ERC1: variants seen among roughly 807,000 people sequenced by gnomAD.
The protein encoded by ERC1 is ELKS/RAB6-interacting/CAST family member 1.
In ERC1, 56 loss-of-function variants were observed where a neutral mutation model predicts 132.0. The observed-to-expected ratio is 0.42, with a 90% CI of 0.34 to 0.53. The LOEUF is 0.53. ERC1 is among the 20% of genes least tolerant of loss of function. The pLI is 0.03. For synonymous variants in ERC1, 478 were observed against 476.1 expected, an observed-to-expected ratio of 1.00 and a Z score of -0.05; for missense variants, 1,202 against 1,349.9, an observed-to-expected ratio of 0.89 and a Z score of 1.72.
At chr12:1,184,224 A>G (rs990030178) in intron 11 of ERC1, among the ~76,000 whole-genome samples, 3 of 151,992 alleles carry the variant, frequency 2.0e-5, no homozygotes, top group Admixed American at 6.6e-5. Flanking sequence ...ACTCAGAATA[A>G]TTGTTAAATA....
At chr12:1,490,012 C>A in intron 18 of ERC1, 81 bp from the exon 19 acceptor site, 1 of 1,485,280 alleles carries the variant, frequency 6.7e-7, no homozygotes, top group South Asian at 1.3e-5. Context: ...GTGCCTTTGT[C>A]ATTTATTGAT....
intron 7 of ERC1, among the ~76,000 whole-genome samples, chr12:1,126,986 C>CAAAAAAAAAAAAAAAAAA (rs71055135): frequency 2.4e-4 from 27 of 114,184 alleles, no homozygotes; most frequent in Non-Finnish European, 3.1e-4. Context: ...GATTCTGTCT[C>CAAAAAAAAAAAAAAAAAA]AAAAAAAAAA....
intron 15 of ERC1, among the ~76,000 whole-genome samples, chr12:1,309,354 C>G (rs1271820068): frequency 1.3e-5 from 2 of 152,304 alleles, no homozygotes; most frequent in East Asian, 3.9e-4. Context: ...TGTGAGTTCC[C>G]TGGGGTGCTG....
At chr12:1,480,760 TGAAG>T in intron 18 of ERC1, 1 of 696,854 alleles carries the variant, frequency 1.4e-6, no homozygotes. Flanking sequence ...GGCAGGGGGT[TGAAG>T]AGAGCAAGAA....
Position 1,491,503 on chromosome 12 carries a change from TGCTGGAGTTGAAGCAGTAAATA to T in ERC1, c.*1276_*1297del. ...TGTAGTGGATTCTGTGAGACATACC[TGCTGGAGTTGAAGCAGTAAATA>T]GCATGTCCTTCCCCTCCCCGATCTT... is the stretch of plus-strand genomic sequence containing the variant. On this transcript the variant is annotated 3_prime_UTR_variant, in exon 19 of 19. Transcript: ENST00000360905. The T allele has an allele frequency of 4.3e-6, 1 of 230,554 alleles. No homozygotes were observed. The highest frequency in any genetic ancestry group is 1.8e-4 in the South Asian group (1 of 5,500). The allele number at this position is 230,554 out of a possible 1,614,324, so 14.3% of individuals were successfully genotyped here. A position where few individuals can be genotyped will look rare whatever the true frequency, so the allele number is the denominator to read the frequency against.
At chr12:1,359,314 GA>G (rs1344175532) in intron 15 of ERC1, among the ~76,000 whole-genome samples, 1 of 152,160 alleles carries the variant, frequency 6.6e-6, no homozygotes, top group Non-Finnish European at 1.5e-5. Flanking sequence ...ACACTCAACA[GA>G]AATAGAGACA....
chr12:1,060,666 G>A (rs1424993147), intron 2 of ERC1, among the ~76,000 whole-genome samples: 2 of 152,042 alleles, frequency 1.3e-5, no homozygotes, highest in Non-Finnish European at 2.9e-5. Context: ...AATAGCATGG[G>A]AAAGACTGGC....
At chr12:1,418,953 A>G (rs779649663) in intron 17 of ERC1, among the ~76,000 whole-genome samples, 5 of 151,912 alleles carry the variant, frequency 3.3e-5, no homozygotes, top group African/African-American at 7.3e-5. Flanking sequence ...GGTTCAAGCA[A>G]TCCTCCCACC....
intron 14 of ERC1, among the ~76,000 whole-genome samples, chr12:1,270,301 G>A (rs986639973): frequency 6.6e-5 from 10 of 151,962 alleles, no homozygotes; most frequent in Non-Finnish European, 1.2e-4. Context: ...TCCACCTCCC[G>A]GGTTCAAGCG....
intron 15 of ERC1, among the ~76,000 whole-genome samples, chr12:1,357,075 G>C (rs1040722611): frequency 1.3e-5 from 2 of 152,104 alleles, no homozygotes; most frequent in Non-Finnish European, 2.9e-5. Flanking sequence ...GCTTTCATAA[G>C]CTTCCTATAC....
chr12:1,012,816 A>AT (rs920480385), intron 1 of ERC1, among the ~76,000 whole-genome samples: 12 of 151,972 alleles, frequency 7.9e-5, no homozygotes, highest in African/African-American at 2.9e-4. Flanking sequence ...AGAATTCAGA[A>AT]TTTTTTTCAG....
chr12:1,328,327 A>G (rs2082606429), intron 15 of ERC1, among the ~76,000 whole-genome samples: 1 of 151,886 alleles, frequency 6.6e-6, no homozygotes, highest in Non-Finnish European at 1.5e-5. Flanking sequence ...TTTTTTTGTT[A>G]GAAGTGAAGC....
intron 17 of ERC1, among the ~76,000 whole-genome samples, chr12:1,419,683 T>C (rs1238454953): frequency 6.6e-6 from 1 of 151,954 alleles, no homozygotes; most frequent in Non-Finnish European, 1.5e-5. Flanking sequence ...TTAGTGGATA[T>C]AGAGTTTTAG....
intron 17 of ERC1, among the ~76,000 whole-genome samples, chr12:1,414,079 C>T (rs1349488673): frequency 2.0e-5 from 3 of 152,166 alleles, no homozygotes; most frequent in East Asian, 1.9e-4. Context: ...AATCTAATGC[C>T]GCCGCTGATC....
intron 15 of ERC1, among the ~76,000 whole-genome samples, chr12:1,369,599 A>G (rs1338371278): frequency 6.6e-6 from 1 of 152,206 alleles, no homozygotes; most frequent in East Asian, 1.9e-4. Flanking sequence ...GCTTCCCGAA[A>G]GGGAACAGAT....
intron 14 of ERC1, among the ~76,000 whole-genome samples, chr12:1,264,618 C>G (rs959063980): frequency 6.6e-6 from 1 of 151,812 alleles, no homozygotes; most frequent in Non-Finnish European, 1.5e-5. Flanking sequence ...GAGCCGAGAT[C>G]GCACCACTGC....
At chr12:1,407,412 C>G (rs2091569351) in intron 16 of ERC1, among the ~76,000 whole-genome samples, 1 of 151,912 alleles carries the variant, frequency 6.6e-6, no homozygotes. Context: ...TAAAATTAAG[C>G]ATGGTGGCGT....
intron 1 of ERC1, among the ~76,000 whole-genome samples, chr12:1,002,789 A>G (rs996271013): frequency 6.6e-6 from 1 of 152,082 alleles, no homozygotes; most frequent in Non-Finnish European, 1.5e-5. Flanking sequence ...GAATAATTTT[A>G]TGTTGGTTAC....
At chr12:1,279,592 G>T (rs73029108) in intron 14 of ERC1, among the ~76,000 whole-genome samples, 34,357 of 151,156 alleles carry the variant, frequency 0.23, 4,680 homozygotes, top group Non-Finnish European at 0.3. Context: ...CAAACCTTTG[G>T]CACATCCAAA....
Sources: gnomAD v4.1 joint callset for allele counts (sites outside exome capture counted in the v4.1 genomes callset) on GRCh38, gnomAD v4.1.1 for gene constraint, MANE v1.5 for transcripts, NCBI Gene and HGNC (gene_info 2026-07-23, HGNC 2026-07-21) for gene names.